CR2: variants seen among roughly 807,000 people sequenced by gnomAD.
CR2 encodes the protein complement C3d receptor 2, also known as complement receptor type 2.
CR2 carries 96 observed loss-of-function variants against 123.0 expected under a neutral mutation model. The ratio of observed to expected loss-of-function variants is 0.78; its 90% CI spans 0.66 to 0.93. The LOEUF (loss-of-function observed/expected upper bound fraction) is 0.93, where lower values mean the gene tolerates loss of function less well. Ranked by LOEUF, CR2 falls within the 40% of genes least tolerant of loss-of-function variation. CR2 has a pLI of 0.00. For synonymous variants in CR2, 484 were observed against 469.5 expected, an observed-to-expected ratio of 1.03 and a Z score of -0.40; for missense variants, 1,258 against 1,361.0, an observed-to-expected ratio of 0.92 and a Z score of 1.19.
At chr1:207,482,228 A>C (rs571266180) in intron 18 of CR2, among the ~76,000 whole-genome samples, 2 of 152,154 alleles carry the variant, frequency 1.3e-5, no homozygotes, top group African/African-American at 4.8e-5. Context: ...TTATATCACT[A>C]TAAATATTTG....
chr1:207,467,010 G>A, intron 2 of CR2, 98 bp downstream of exon 2: 1 of 1,367,126 alleles, frequency 7.3e-7, no homozygotes, highest in Non-Finnish European at 9.8e-7. Flanking sequence ...GTGTGAACAT[G>A]TAATGATGAG....
intron 1 of CR2, among the ~76,000 whole-genome samples, chr1:207,465,970 T>C (rs1382776174): frequency 6.6e-6 from 1 of 152,206 alleles, no homozygotes; most frequent in Admixed American, 6.5e-5. Flanking sequence ...GAAGCAGCCA[T>C]TGAATAATTA....
intron 6 of CR2, 146 bp from the exon 7 acceptor site, chr1:207,470,594 C>A: frequency 2.6e-6 from 2 of 764,412 alleles, no homozygotes; most frequent in Non-Finnish European, 2.2e-6. Flanking sequence ...TCTAAAATTA[C>A]CCAAAGCTGG....
Position 207,466,862 on chromosome 1 carries a change from G to A in CR2, c.395G>A (p.Cys132Tyr), listed in dbSNP as rs775187056. ...FSMNGNKSVW[C>Y]QANNMWGPTR... is the part of the protein sequence containing the mutation. Reference sequence around the variant, plus strand: ...ATGAACGGAAACAAGTCTGTTTGGTGTCAAGCAAATAATATGTGGGGGCCG... The same window carrying A: ...ATGAACGGAAACAAGTCTGTTTGGTATCAAGCAAATAATATGTGGGGGCCG... Residue 132 changes from cysteine (C) to tyrosine (Y), a missense_variant, in exon 2 of 20, where the codon TGT (cysteine) becomes TAT (tyrosine). Transcript: ENST00000367057. 1.9e-6 allele frequency: 3 copies of A among 1,609,392 alleles called. No individual in the cohort carries two copies. The highest frequency in any genetic ancestry group is 2.5e-6 in the Non-Finnish European group (3 of 1,178,026).
At chr1:207,475,249 G>A in intron 14 of CR2, 33 bp downstream of exon 14, 1 of 1,611,652 alleles carries the variant, frequency 6.2e-7, no homozygotes, top group Non-Finnish European at 8.5e-7. Flanking sequence ...GTTATGGGAT[G>A]TTGTACAGAA....
chr1:207,472,149 T>A (rs1351415051), intron 9 of CR2, among the ~76,000 whole-genome samples: 1 of 151,940 alleles, frequency 6.6e-6, no homozygotes, highest in African/African-American at 2.4e-5. Flanking sequence ...CTTGGGAGAC[T>A]GAGGCAGGAG....
chr1:207,486,542 G>A (rs1572968315), intron 19 of CR2, among the ~76,000 whole-genome samples: 1 of 136,422 alleles, frequency 7.3e-6, no homozygotes, highest in Non-Finnish European at 1.6e-5. Context: ...CTTTTAAGGA[G>A]AGGAGCAACA....
At chr1:207,480,083 C>T (rs780602517) in intron 18 of CR2, 30 bp downstream of exon 18, 16 of 1,517,782 alleles carry the variant, frequency 1.1e-5, no homozygotes, top group Non-Finnish European at 1.4e-5. Context: ...CTTGATTGAC[C>T]AACATGCACA....
In CR2 at chr1:207,485,507, G is replaced by A. The variant is rs142489316; in HGVS notation, c.3232G>A (p.Glu1078Lys). The change falls in exon 19 of 20, where the codon GAA (glutamate) becomes AAA (lysine). Residue 1078 changes from glutamate (E) to lysine (K), a missense_variant. Coordinates refer to ENST00000367057, the MANE Select transcript of CR2 (RefSeq NM_001006658.3). The part of the protein sequence containing the change: ...DTSQKEAFHL[E>K]AREVYSVDPY... ...AAGCCAGAAAGAAGCTTTTCATTTA[G>A]AAGCACGAGAAGTATATTCTGTTGA... is the stretch of plus-strand genomic sequence containing the variant. 6.2e-7 allele frequency: 1 copy of A among 1,613,484 alleles called. No homozygotes were observed. Among genetic ancestry groups the A allele is most frequent in the Non-Finnish European group, 8.5e-7 (1 of 1,179,490 alleles).
At chr1:207,481,833 A>G (rs71635140) in intron 18 of CR2, among the ~76,000 whole-genome samples, 1 of 152,046 alleles carries the variant, frequency 6.6e-6, no homozygotes, top group Non-Finnish European at 1.5e-5. Context: ...ATATCTAGGA[A>G]AGTCTATCTT....
At chr1:207,458,002 G>A (rs968367358) in intron 1 of CR2, among the ~76,000 whole-genome samples, 1 of 149,712 alleles carries the variant, frequency 6.7e-6, no homozygotes, top group Non-Finnish European at 1.5e-5. Flanking sequence ...TAGTGTGTTA[G>A]ATATACCAAG....
intron 16 of CR2, 96 bp from the exon 17 acceptor site, chr1:207,479,161 A>G: frequency 1.1e-6 from 1 of 930,914 alleles, no homozygotes; most frequent in Non-Finnish European, 1.8e-6. Context: ...AGGGAGCTAG[A>G]GTGTTGATTT....
In CR2 at chr1:207,489,407, A is replaced by G. The variant is rs960153261; in HGVS notation, c.*284A>G. On this transcript the variant is annotated 3_prime_UTR_variant, in exon 20 of 20. Transcript: ENST00000367057. ...GCTATAAACAATTACATGGCTCTAA[A>G]AAGTTTTGCCCTTTTTAAGGAAGGC... is the stretch of plus-strand genomic sequence containing the variant. The G allele has an allele frequency of 6.6e-6, 1 of 152,218 alleles. No individual in the cohort carries two copies. Among genetic ancestry groups the G allele is most frequent in the Non-Finnish European group, 1.5e-5 (1 of 68,036 alleles). 9.4% of individuals were successfully genotyped at this position (152,218 alleles called of 1,614,324 possible). A position where few individuals can be genotyped will look rare whatever the true frequency, so the allele number is the denominator to read the frequency against.
chr1:207,473,896 A>G lies in CR2; in HGVS notation c.2240+11A>G, dbSNP rs1454182521. 1.4e-5 allele frequency: 22 copies of G among 1,612,352 alleles called. No individual in the cohort carries two copies. Among genetic ancestry groups the G allele is most frequent in the Non-Finnish European group, 1.8e-5 (21 of 1,178,838 alleles). On this transcript the variant is annotated intron_variant, in intron 12 of 19. Coordinates refer to ENST00000367057, the MANE Select transcript of CR2 (RefSeq NM_001006658.3). ...GTCCTGCCAAGATGGGTGAGTATGA[A>G]GTGGTCTATTCTGAGAAAAGGTCTC...
chr1:207,454,501 G>T lies in CR2; in HGVS notation c.58+25G>T, dbSNP rs775068009. ...GGTGAGCTGGGAGGGGGAGCACGGA[G>T]GTGGGGACGCGTCCCGGGCAGGGAA... is the stretch of plus-strand genomic sequence containing the variant. On this transcript the variant is annotated intron_variant, in intron 1 of 19. Coordinates refer to ENST00000367057, the MANE Select transcript of CR2 (RefSeq NM_001006658.3). This position sits in a 1 kb window ranked among gnomAD's most constrained non-coding sequence, Gnocchi z 4.3. The T allele has an allele frequency of 6.7e-6, 10 of 1,503,278 alleles. No homozygotes were observed. Among genetic ancestry groups the T allele is most frequent in the Non-Finnish European group, 8.9e-6 (10 of 1,119,074 alleles). 93.1% of individuals were successfully genotyped at this position (1,503,278 alleles called of 1,614,324 possible).
At chr1:207,486,150 G>A (rs1187770531) in intron 19 of CR2, among the ~76,000 whole-genome samples, 1 of 147,446 alleles carries the variant, frequency 6.8e-6, no homozygotes, top group East Asian at 2.0e-4. Context: ...AGAATCACTT[G>A]AGCCTAGGAG....
In CR2 at chr1:207,485,581, T is replaced by A; in HGVS notation, c.*18+9T>A. 1.4e-6 allele frequency: 2 copies of A among 1,394,144 alleles called. No individual in the cohort carries two copies. The highest frequency in any genetic ancestry group is 1.2e-5 in the South Asian group (1 of 86,544). 86.4% of individuals were successfully genotyped at this position (1,394,144 alleles called of 1,614,324 possible). A position where few individuals can be genotyped will look rare whatever the true frequency, so the allele number is the denominator to read the frequency against. Reference sequence around the variant, plus strand: ...CAGAAGACAAACTGGTGGTATGTAATGAAATGGAATATTATTAATTTACAT... The same window carrying A: ...CAGAAGACAAACTGGTGGTATGTAAAGAAATGGAATATTATTAATTTACAT... On this transcript the variant is annotated intron_variant, in intron 19 of 19. Transcript: ENST00000367057.
Position 207,466,900 on chromosome 1 carries a change from A to G in CR2, c.433A>G (p.Thr145Ala). 1.9e-6 allele frequency: 3 copies of G among 1,596,692 alleles called. No homozygotes were observed. Among genetic ancestry groups the G allele is most frequent in the Non-Finnish European group, 2.6e-6 (3 of 1,172,482 alleles). ...NNMWGPTRLP[T>A]CVSVFPLECP... ...TATGTGGGGGCCGACACGACTACCA[A>G]CCTGTGTAAGTGGTGAGTATGAAAA... The change falls in exon 2 of 20, where the codon ACC becomes GCC. Residue 145 changes from threonine to alanine, a missense_variant. By Grantham distance (58) the Thr-to-Ala change is moderately conservative. Transcript: ENST00000367057.
At chr1:207,476,507 C>T (rs946518654) in intron 15 of CR2, 88 bp downstream of exon 15, 2 of 1,150,332 alleles carry the variant, frequency 1.7e-6, no homozygotes, top group Non-Finnish European at 2.5e-6. Flanking sequence ...TTAAAATAGC[C>T]AAAGAAATGA....
Sources: allele counts gnomAD v4.1 joint callset (sites outside exome capture counted in the v4.1 genomes callset), GRCh38; gene constraint gnomAD v4.1.1; non-coding constraint Gnocchi (gnomAD v3.1); transcripts MANE v1.5; gene names NCBI Gene and HGNC (gene_info 2026-07-23, HGNC 2026-07-21).